Variants in CCDC191 observed in about 807,000 individuals in gnomAD.
CCDC191 encodes coiled-coil domain containing 191.
A neutral mutation model predicts 114.0 loss-of-function variants in CCDC191; 99 were observed. That is an observed-to-expected ratio of 0.87 (90% CI 0.74 to 1.03). CCDC191 has a LOEUF of 1.03. CCDC191 is among the 50% of genes least tolerant of loss of function. The pLI is 0.00. For synonymous variants in CCDC191, 351 were observed against 376.0 expected (o/e 0.93, Z 0.77); for missense variants, 973 against 1,087.0 (o/e 0.90, Z 1.47).
At chr3:113,995,852 T>G (rs1326453530) in intron 13 of CCDC191, among the ~76,000 whole-genome samples, 2 of 152,272 alleles carry the variant, frequency 1.3e-5, no homozygotes, top group East Asian at 3.8e-4. Flanking sequence ...ATTGTGGTTT[T>G]GATTTGCATT....
intron 13 of CCDC191, among the ~76,000 whole-genome samples, chr3:113,988,804 T>C (rs2075458651): frequency 6.6e-6 from 1 of 151,900 alleles, no homozygotes; most frequent in African/African-American, 2.4e-5. Context: ...TGTAAGTCTT[T>C]TTTTTTTGAG....
intron 7 of CCDC191, among the ~76,000 whole-genome samples, chr3:114,025,927 G>A (rs954196309): frequency 1.2e-4 from 18 of 152,130 alleles, no homozygotes; most frequent in African/African-American, 4.1e-4. Flanking sequence ...GTAAGACAAT[G>A]ACGTGATGTC....
chr3:114,012,918 G>A (rs527580564), intron 8 of CCDC191, among the ~76,000 whole-genome samples: 3 of 152,200 alleles, frequency 2.0e-5, no homozygotes, highest in East Asian at 3.9e-4. Flanking sequence ...TTCAATATAG[G>A]GCTTAAAGCC....
At chr3:114,016,881 T>C (rs1010860990) in intron 8 of CCDC191, among the ~76,000 whole-genome samples, 1 of 152,174 alleles carries the variant, frequency 6.6e-6, no homozygotes, top group African/African-American at 2.4e-5. Context: ...ACAACCTGTT[T>C]CCCTTCTTTA....
chr3:114,042,647 C>A (rs2076578594), intron 4 of CCDC191, 56 bp downstream of exon 4: 1 of 1,378,306 alleles, frequency 7.3e-7, no homozygotes, highest in South Asian at 1.6e-5. Context: ...AATTAAAAGA[C>A]TTCTTAGACA....
intron 7 of CCDC191, among the ~76,000 whole-genome samples, chr3:114,027,601 C>CAAAAA (rs67548547): frequency 5.0e-5 from 3 of 60,114 alleles, no homozygotes; most frequent in Admixed American, 1.7e-4. Flanking sequence ...GACTCTGTCT[C>CAAAAA]AAAAAAAAAA....
intron 8 of CCDC191, among the ~76,000 whole-genome samples, chr3:114,015,358 T>A (rs1260980778): frequency 6.6e-6 from 1 of 152,164 alleles, no homozygotes; most frequent in African/African-American, 2.4e-5. Flanking sequence ...AATTGAGAAA[T>A]CTGGGAAGCA....
intron 6 of CCDC191, among the ~76,000 whole-genome samples, chr3:114,033,087 T>A (rs1157219975): frequency 9.9e-6 from 1 of 100,852 alleles, no homozygotes; most frequent in African/African-American, 6.4e-5. Context: ...TCCATATTTC[T>A]TTTTTTTTTT....
chr3:114,044,419 ATTG>A (rs2076602742), intron 3 of CCDC191, among the ~76,000 whole-genome samples: 1 of 152,226 alleles, frequency 6.6e-6, no homozygotes, highest in Non-Finnish European at 1.5e-5. Context: ...AGCTTTCATC[ATTG>A]TTATTACTAT....
intron 8 of CCDC191, among the ~76,000 whole-genome samples, chr3:114,017,045 A>C (rs909705320): frequency 2.0e-5 from 3 of 151,882 alleles, no homozygotes; most frequent in African/African-American, 7.3e-5. Context: ...CCAGCATATC[A>C]TAGGAAAGGG....
At chr3:113,991,672 A>G (rs1308593423) in intron 13 of CCDC191, among the ~76,000 whole-genome samples, 1 of 152,192 alleles carries the variant, frequency 6.6e-6, no homozygotes, top group East Asian at 1.9e-4. Context: ...AACTAATGTG[A>G]TAAGGCAAGA....
intron 14 of CCDC191, 22 bp downstream of exon 14, chr3:113,980,628 G>GTTA (rs2075114208): frequency 8.4e-6 from 13 of 1,542,696 alleles, no homozygotes; most frequent in Non-Finnish European, 1.1e-5. Flanking sequence ...CTAATCTGGG[G>GTTA]GATAACAGTG....
intron 7 of CCDC191, among the ~76,000 whole-genome samples, chr3:114,023,199 TAA>T (rs2076269234): frequency 6.6e-6 from 1 of 152,150 alleles, no homozygotes; most frequent in East Asian, 1.9e-4. Flanking sequence ...CTCAATGAAA[TAA>T]AAGAGGATAC....
intron 13 of CCDC191, among the ~76,000 whole-genome samples, chr3:113,982,355 C>T (rs556444524): frequency 3.3e-5 from 5 of 152,190 alleles, no homozygotes; most frequent in South Asian, 4.2e-4. Flanking sequence ...AAGGGTTCCT[C>T]GATAGAACTG....
rs139862408 is a variant in CCDC191, at chr3:114,031,752, A to C, written c.846T>G (p.Ser282=). 2.5e-5 allele frequency: 37 copies of C among 1,475,500 alleles called. No homozygotes were observed. The highest frequency in any genetic ancestry group is 3.4e-5 in the Non-Finnish European group (36 of 1,057,544). 91.4% of individuals were successfully genotyped at this position (1,475,500 alleles called of 1,614,324 possible). A position where few individuals can be genotyped will look rare whatever the true frequency, so the allele number is the denominator to read the frequency against. ...KIEKKRQEEN[S]QNSSEKVMFQ... is the part of the protein sequence containing the mutation. ...ACATGACTTTTTCTGAACTATTTTGAGAATTCTCTTCTTGCCTTTTCTTCT... is the reference window on the plus strand; with the variant it reads ...ACATGACTTTTTCTGAACTATTTTGCGAATTCTCTTCTTGCCTTTTCTTCT... The change falls in exon 7 of 17, where the codon TCT becomes TCG. Residue 282 remains serine (S), a synonymous_variant. Transcript: ENST00000295878.
intron 13 of CCDC191, among the ~76,000 whole-genome samples, chr3:113,988,042 A>T (rs1030768486): frequency 1.3e-5 from 2 of 148,178 alleles, no homozygotes; most frequent in Admixed American, 6.7e-5. Flanking sequence ...ACTCCATCTC[A>T]ATATATATAT....
intron 13 of CCDC191, chr3:113,983,900 G>T (rs188010214): frequency 6.6e-6 from 1 of 152,296 alleles, no homozygotes; most frequent in Non-Finnish European, 1.5e-5. Context: ...ATACAGGGGG[G>T]TGTTAAGAAG....
At chr3:114,027,618 A>AAG (rs1406134308) in intron 7 of CCDC191, among the ~76,000 whole-genome samples, 169 of 148,852 alleles carry the variant, frequency 1.1e-3, no homozygotes, top group Non-Finnish European at 2.1e-3. Context: ...AAAAAAAAAA[A>AAG]AAAAGAAAAA....
chr3:114,051,709 T>G (rs943024872), intron 2 of CCDC191, among the ~76,000 whole-genome samples: 2 of 152,228 alleles, frequency 1.3e-5, no homozygotes, highest in African/African-American at 4.8e-5. Flanking sequence ...ATTCTCCCCT[T>G]CTTTCACATA....
Sources: allele counts gnomAD v4.1 joint callset (sites outside exome capture counted in the v4.1 genomes callset), GRCh38; gene constraint gnomAD v4.1.1; transcripts MANE v1.5; gene names NCBI Gene and HGNC (gene_info 2026-07-23, HGNC 2026-07-21).